Variants in SGCD observed in about 807,000 individuals in gnomAD.
SGCD encodes the protein delta-sarcoglycan.
Under a neutral mutation model 36.6 loss-of-function variants are expected in SGCD, and 18 were observed. That is an observed-to-expected ratio of 0.49 (90% confidence interval 0.34 to 0.73). The LOEUF is 0.73. Ranked by LOEUF, SGCD falls within the 30% of genes least tolerant of loss-of-function variation. SGCD has a pLI of 0.01. For missense variants in SGCD, 387 were observed against 346.7 expected (o/e 1.12, Z -0.92); for synonymous variants, 133 against 130.6 (o/e 1.02, Z -0.12).
intron 1 of SGCD, among the ~76,000 whole-genome samples, chr5:156,052,671 G>T (rs539346171): frequency 6.9e-6 from 1 of 145,806 alleles, no homozygotes; most frequent in Non-Finnish European, 1.5e-5. Context: ...TGCATACTTT[G>T]TGAAACACAG....
At chr5:156,442,708 A>G (rs895693516) in intron 3 of SGCD, among the ~76,000 whole-genome samples, 24 of 152,340 alleles carry the variant, frequency 1.6e-4, no homozygotes, top group Middle Eastern at 3.4e-3. Context: ...GTCTTCTATT[A>G]TAAATGCTTT....
intron 1 of SGCD, among the ~76,000 whole-genome samples, chr5:155,973,683 A>G (rs1369423782): frequency 6.6e-6 from 1 of 152,206 alleles, no homozygotes; most frequent in East Asian, 1.9e-4. Context: ...TCCAACTATC[A>G]GGGTAGACTT....
chr5:156,371,612 T>G (rs543725261), intron 3 of SGCD, among the ~76,000 whole-genome samples: 1 of 152,322 alleles, frequency 6.6e-6, no homozygotes, highest in South Asian at 2.1e-4. Context: ...AATCAAAATG[T>G]GAGTCTTTTC....
At chr5:155,832,039 G>T in the SGCD span, among the ~76,000 whole-genome samples, 1 of 152,200 alleles carries the variant, frequency 6.6e-6, no homozygotes, top group Admixed American at 6.5e-5. Context: ...CGTATTAACT[G>T]TGGGTATTCT....
chr5:156,754,979 G>T (rs530303404), intron 7 of SGCD, among the ~76,000 whole-genome samples: 1 of 152,286 alleles, frequency 6.6e-6, no homozygotes, highest in Non-Finnish European at 1.5e-5. Flanking sequence ...TTTGTGTGAA[G>T]TTCATTGGGA....
chr5:156,262,307 A>T (rs1017543578), intron 3 of SGCD, among the ~76,000 whole-genome samples: 2 of 152,146 alleles, frequency 1.3e-5, no homozygotes, highest in African/African-American at 2.4e-5. Context: ...ATGTTTAGGT[A>T]CATAAATTCT....
intron 3 of SGCD, among the ~76,000 whole-genome samples, chr5:156,446,364 C>T (rs952186221): frequency 5.3e-5 from 8 of 152,038 alleles, no homozygotes; most frequent in African/African-American, 1.7e-4. Context: ...GTAAGAGAAG[C>T]TCAGTGTAGG....
intron 3 of SGCD, among the ~76,000 whole-genome samples, chr5:156,495,365 C>T (rs573913308): frequency 3.9e-5 from 6 of 152,174 alleles, no homozygotes; most frequent in Admixed American, 1.3e-4. Context: ...GCCAGGTGTA[C>T]GCATACTAGC....
intron 3 of SGCD, among the ~76,000 whole-genome samples, chr5:156,272,939 G>T (rs894882039): frequency 9.9e-5 from 15 of 152,208 alleles, no homozygotes; most frequent in Admixed American, 2.6e-4. Flanking sequence ...AGATGGCATG[G>T]CTCACAAAGC....
intron 1 of SGCD, among the ~76,000 whole-genome samples, chr5:156,049,701 G>T (rs1435841978): frequency 1.4e-5 from 2 of 146,684 alleles, no homozygotes; most frequent in Non-Finnish European, 3.1e-5. Context: ...TTCTGGAATG[G>T]ATTCACCCTT....
chr5:156,316,979 T>C (rs953165430), intron 3 of SGCD, among the ~76,000 whole-genome samples: 1 of 151,850 alleles, frequency 6.6e-6, no homozygotes, highest in South Asian at 2.1e-4. Context: ...TAGAATGACA[T>C]AGTTTTGCTA....
chr5:156,629,243 A>T (rs1377630884), intron 6 of SGCD, among the ~76,000 whole-genome samples: 1 of 152,208 alleles, frequency 6.6e-6, no homozygotes, highest in Non-Finnish European at 1.5e-5. Context: ...AATGTTAAAA[A>T]AATTCTTACT....
At chr5:155,784,413 G>A in the SGCD span, among the ~76,000 whole-genome samples, 1 of 152,282 alleles carries the variant, frequency 6.6e-6, no homozygotes, top group East Asian at 1.9e-4. Flanking sequence ...ACAGTGAGCC[G>A]AAGGTGTCAG....
chr5:155,915,579 T>C (rs1756718761), intron 1 of SGCD, among the ~76,000 whole-genome samples: 1 of 152,196 alleles, frequency 6.6e-6, no homozygotes, highest in Admixed American at 6.5e-5. Context: ...GTATCAATTT[T>C]ATGTATTGTT....
At chr5:156,329,118 C>T (rs1463681091) in intron 1 of SGCD, among the ~76,000 whole-genome samples, 2 of 152,084 alleles carry the variant, frequency 1.3e-5, no homozygotes, top group Non-Finnish European at 2.9e-5. Flanking sequence ...AAGTCAAGCT[C>T]TCTTGACATC....
chr5:155,777,459 C>A, the SGCD span, among the ~76,000 whole-genome samples: 1 of 151,730 alleles, frequency 6.6e-6, no homozygotes, highest in African/African-American at 2.4e-5. Flanking sequence ...TGGGCTCAAG[C>A]AGTCCTCCCA....
chr5:156,735,334 G>A (rs1581495782), intron 7 of SGCD, among the ~76,000 whole-genome samples: 1 of 152,108 alleles, frequency 6.6e-6, no homozygotes, highest in Non-Finnish European at 1.5e-5. Flanking sequence ...CCAAAGGCTG[G>A]AACTACTAAG....
At chr5:156,381,447 G>A (rs893457300) in intron 3 of SGCD, among the ~76,000 whole-genome samples, 1 of 152,126 alleles carries the variant, frequency 6.6e-6, no homozygotes, top group South Asian at 2.1e-4. Flanking sequence ...TCTACCCTGG[G>A]GATGGTAGTT....
At chr5:155,895,979 A>G (rs138703660) in intron 1 of SGCD, among the ~76,000 whole-genome samples, 3 of 152,386 alleles carry the variant, frequency 2.0e-5, no homozygotes, top group African/African-American at 7.2e-5. Context: ...CCGTAAGCAC[A>G]TTCTCTGTCT....
Sources: allele counts gnomAD v4.1 joint callset (sites outside exome capture counted in the v4.1 genomes callset), GRCh38; gene constraint gnomAD v4.1.1; transcripts MANE v1.5; gene names NCBI Gene and HGNC (gene_info 2026-07-23, HGNC 2026-07-21).